Variants in FAM98B observed in about 807,000 individuals in gnomAD.
FAM98B encodes the protein tRNA-splicing ligase complex subunit FAM98B.
Under a neutral mutation model 43.9 loss-of-function variants are expected in FAM98B, and 32 were observed. That is an observed-to-expected ratio of 0.73 (90% confidence interval 0.55 to 0.98). FAM98B has a LOEUF of 0.98. Ranked by LOEUF, FAM98B falls within the 50% of genes least tolerant of loss-of-function variation. The pLI is 0.00. For synonymous variants in FAM98B, 190 were observed against 174.0 expected, an observed-to-expected ratio of 1.09 and a Z score of -0.72; for missense variants, 514 against 522.9, an observed-to-expected ratio of 0.98 and a Z score of 0.17.
chr15:38,484,150 G>T, intron 7 of FAM98B, 105 bp from the exon 8 acceptor site: 1 of 990,496 alleles, frequency 1.0e-6, no homozygotes, highest in East Asian at 2.8e-5. Flanking sequence ...GTACTTTCAT[G>T]TCCTTAAATA....
At chr15:38,470,559 A>AG (rs1393637708) in intron 4 of FAM98B, 154 bp downstream of exon 4, 1 of 600,524 alleles carries the variant, frequency 1.7e-6, no homozygotes, top group African/African-American at 2.0e-5. Flanking sequence ...CAGACTTAAC[A>AG]GGCATGTGAC....
chr15:38,458,674 T>G (rs975581886), intron 1 of FAM98B: 10 of 187,010 alleles, frequency 5.3e-5, no homozygotes, highest in African/African-American at 2.1e-4. Flanking sequence ...GCTTTCACTC[T>G]GTCCGTCAGG....
intron 4 of FAM98B, 147 bp from the exon 5 acceptor site, chr15:38,473,358 A>G: frequency 1.8e-6 from 1 of 554,590 alleles, no homozygotes; most frequent in Non-Finnish European, 3.1e-6. Flanking sequence ...TCTGTATTGT[A>G]GTGGTATTCT....
In FAM98B at chr15:38,475,665, A is replaced by G. The variant is rs574070213; in HGVS notation, c.729+1367A>G. On this transcript the variant is annotated intron_variant, in intron 6 of 7. Transcript: ENST00000397609. ...CTCCCTTATGAGAACCCTTGTGATTATATTAGGCCCACACAGATAATACAG... is the reference window on the plus strand; with the variant it reads ...CTCCCTTATGAGAACCCTTGTGATTGTATTAGGCCCACACAGATAATACAG... Among the ~76,000 whole-genome samples, 59 of 152,202 alleles carry G rather than the reference A, an allele frequency of 3.9e-4. No homozygotes were observed. In the South Asian group the frequency reaches 0.012, roughly 31 times the overall value.
intron 1 of FAM98B, among the ~76,000 whole-genome samples, chr15:38,463,082 A>G (rs1286041992): frequency 6.6e-6 from 1 of 152,232 alleles, no homozygotes; most frequent in Admixed American, 6.5e-5. Context: ...TTCAGTTGCA[A>G]AAAGAACCAT....
chr15:38,460,036 G>A (rs572751268), intron 1 of FAM98B, among the ~76,000 whole-genome samples: 25 of 152,278 alleles, frequency 1.6e-4, no homozygotes, highest in Middle Eastern at 6.8e-3. Flanking sequence ...ATTAGGCCCT[G>A]GTTGTATTGT....
At chr15:38,465,429 C>G (rs1342773827) in intron 3 of FAM98B, 26 bp downstream of exon 3, 17 of 1,539,016 alleles carry the variant, frequency 1.1e-5, no homozygotes, top group Non-Finnish European at 1.4e-5. Flanking sequence ...CATTTAAATG[C>G]ATGTGTTTGA....
intron 1 of FAM98B, among the ~76,000 whole-genome samples, chr15:38,461,992 A>C (rs917832985): frequency 1.5e-4 from 23 of 152,196 alleles, no homozygotes; most frequent in African/African-American, 5.5e-4. Context: ...TATATTAACA[A>C]AACACTGGAA....
intron 6 of FAM98B, among the ~76,000 whole-genome samples, chr15:38,474,562 C>T (rs1429172603): frequency 6.6e-6 from 1 of 152,134 alleles, no homozygotes; most frequent in Admixed American, 6.5e-5. Flanking sequence ...AAAGAAGGGG[C>T]ATCATATGAG....
intron 6 of FAM98B, among the ~76,000 whole-genome samples, chr15:38,475,085 A>G (rs1048555130): frequency 3.3e-5 from 5 of 149,560 alleles, no homozygotes; most frequent in African/African-American, 1.2e-4. Context: ...CATTTTTTGA[A>G]TTAACTGGGC....
chr15:38,465,333 A>G lies in FAM98B; in HGVS notation c.282A>G (p.Pro94=), dbSNP rs1298994207. The change falls in exon 3 of 8, where the codon CCA becomes CCG. Residue 94 remains proline (P), a synonymous_variant. Transcript: ENST00000397609. ...ISGFLKEMAC[P]YSVLISGDIK... ...GCTTTTTAAAAGAAATGGCATGTCCATATTCTGTACTCATATCAGGAGATA... is the reference window on the plus strand; with the variant it reads ...GCTTTTTAAAAGAAATGGCATGTCCGTATTCTGTACTCATATCAGGAGATA... 6 of 1,611,972 alleles carry G rather than the reference A, an allele frequency of 3.7e-6. No individual in the cohort carries two copies. Among genetic ancestry groups the G allele is most frequent in the East Asian group, 4.5e-5 (2 of 44,684 alleles).
chr15:38,463,523 A>AATAGAATAG (rs1889981210), intron 1 of FAM98B, among the ~76,000 whole-genome samples: 3 of 146,996 alleles, frequency 2.0e-5, no homozygotes, highest in Admixed American at 6.8e-5. Context: ...AAATAAAATA[A>AATAGAATAG]AATAAAATAA....
chr15:38,485,041 C>T lies in FAM98B; in HGVS notation c.*382C>T, dbSNP rs1035408329. The T allele has an allele frequency of 6.1e-6, 1 of 163,450 alleles. No individual in the cohort carries two copies. The highest frequency in any genetic ancestry group is 2.4e-5 in the African/African-American group (1 of 41,528). The allele number at this position is 163,450 out of a possible 1,614,324, so 10.1% of individuals were successfully genotyped here. ...TTCAGGTTTGAGACATATAAAAGAC[C>T]CCACCTGTAATAGAAAGGAATATAG... On this transcript the variant is annotated 3_prime_UTR_variant, in exon 8 of 8. Transcript: ENST00000397609.
intron 1 of FAM98B, chr15:38,458,886 G>A (rs1889897243): frequency 2.2e-6 from 1 of 445,822 alleles, no homozygotes; most frequent in Non-Finnish European, 4.5e-6. Flanking sequence ...TTCTCTGGGT[G>A]GAAGATGTAA....
At chr15:38,463,501 TAAAA>T (rs1453593736) in intron 1 of FAM98B, among the ~76,000 whole-genome samples, 2 of 143,790 alleles carry the variant, frequency 1.4e-5, no homozygotes, top group Admixed American at 1.4e-4. Flanking sequence ...AAAAATAAAA[TAAAA>T]TAAAATAAAA....
At position 38,468,755 on chromosome 15, in the gene FAM98B, G is replaced by A. The variant is rs575362990; in HGVS notation, c.353-1472G>A. On this transcript the variant is annotated intron_variant, in intron 3 of 7. Coordinates refer to ENST00000397609, the MANE Select transcript of FAM98B (RefSeq NM_173611.4). ...CACAGATGCCCAACTCCTACTTGTAGATCTACTGTTCAGAATCTCAGAGGA... is the reference window on the plus strand; with the variant it reads ...CACAGATGCCCAACTCCTACTTGTAAATCTACTGTTCAGAATCTCAGAGGA... Among the ~76,000 whole-genome samples the A allele has an allele frequency of 4.6e-4, 70 of 152,262 alleles. No homozygotes were observed. The South Asian group carries it at 0.012, about 27-fold the overall frequency.
In FAM98B at chr15:38,485,437, T is replaced by C. The variant is rs372423881; in HGVS notation, c.*778T>C. On this transcript the variant is annotated 3_prime_UTR_variant, in exon 8 of 8. Transcript: ENST00000397609. ...CTCTTCATCATTTATGCTCTCACTT[T>C]AGATATCCAAATATTAAAAGGCAGG... is the stretch of plus-strand genomic sequence containing the variant. 1 of 152,258 alleles carries C rather than the reference T, an allele frequency of 6.6e-6. No individual in the cohort carries two copies. Among genetic ancestry groups the C allele is most frequent in the African/African-American group, 2.4e-5 (1 of 41,474 alleles). The allele number at this position is 152,258 out of a possible 1,614,324, so 9.4% of individuals were successfully genotyped here.
Position 38,486,457 on chromosome 15 carries a change from TGAA to T in FAM98B, c.*1800_*1802del, listed in dbSNP as rs760690526. 2 of 152,178 alleles carry T rather than the reference TGAA, an allele frequency of 1.3e-5. No homozygotes were observed. The highest frequency in any genetic ancestry group is 2.1e-4 in the South Asian group (1 of 4,828). 9.4% of individuals were successfully genotyped at this position (152,178 alleles called of 1,614,324 possible). ...CTTTTTTGGTAGCATTAGTTGCTGA[TGAA>T]GGAGATTTACAACTACTTTCAACTT... On this transcript the variant is annotated 3_prime_UTR_variant, in exon 8 of 8. Transcript: ENST00000397609.
intron 7 of FAM98B, chr15:38,483,706 T>G (rs1377985621): frequency 7.2e-6 from 1 of 138,156 alleles, no homozygotes; most frequent in Non-Finnish European, 1.5e-5. Context: ...TATATATATA[T>G]ATATACACTA....
Sources: gnomAD v4.1 joint callset for allele counts (sites outside exome capture counted in the v4.1 genomes callset) on GRCh38, gnomAD v4.1.1 for gene constraint, MANE v1.5 for transcripts, NCBI Gene and HGNC (gene_info 2026-07-23, HGNC 2026-07-21) for gene names.